The following ARHGAP15 variants were observed in gnomAD, a reference collection of about 807,000 sequenced individuals.
ARHGAP15 encodes the protein Rho GTPase activating protein 15.
In ARHGAP15, 51 loss-of-function variants were observed where a neutral mutation model predicts 63.7. The observed-to-expected ratio is 0.80, with a 90% CI of 0.64 to 1.01. ARHGAP15 has a LOEUF of 1.01. Ranked by LOEUF, ARHGAP15 falls within the 50% of genes least tolerant of loss-of-function variation. ARHGAP15 has a pLI of 0.00. For missense variants in ARHGAP15, 560 were observed against 564.6 expected, an observed-to-expected ratio of 0.99 and a Z score of 0.08; for synonymous variants, 191 against 193.8, an observed-to-expected ratio of 0.99 and a Z score of 0.12.
intron 2 of ARHGAP15, among the ~76,000 whole-genome samples, chr2:143,161,290 G>T (rs1038994898): frequency 2.0e-5 from 3 of 152,018 alleles, no homozygotes; most frequent in Non-Finnish European, 2.9e-5. Context: ...AGAGTAATTA[G>T]CTAGAATGCT....
At position 143,690,753 on chromosome 2, in the gene ARHGAP15, C is replaced by T. The variant is rs190486047; in HGVS notation, c.1139-12666C>T. Among the ~76,000 whole-genome samples the T allele has an allele frequency of 1.3e-3, 193 of 152,098 alleles. 1 individual carries two copies. The highest frequency in any genetic ancestry group is 4.5e-3 in the African/African-American group (187 of 41,464). On this transcript the variant is annotated intron_variant, in intron 12 of 13. Transcript: ENST00000295095. ...CTTGACTTGCTGGTAAGGAGGTGTG[C>T]GAATGGTCTCAAGTTATACATTTGC...
At chr2:143,203,032 A>G (rs532718414) in intron 3 of ARHGAP15, among the ~76,000 whole-genome samples, 2 of 152,196 alleles carry the variant, frequency 1.3e-5, no homozygotes, top group African/African-American at 4.8e-5. Flanking sequence ...ATGCTCATTC[A>G]ACTTGTCTTT....
intron 8 of ARHGAP15, among the ~76,000 whole-genome samples, chr2:143,440,334 T>G (rs1402392188): frequency 6.6e-6 from 1 of 152,188 alleles, no homozygotes; most frequent in Non-Finnish European, 1.5e-5. Flanking sequence ...AAAACTTGCA[T>G]TCGCTTTTAT....
At chr2:143,454,411 A>C (rs1690552129) in intron 8 of ARHGAP15, among the ~76,000 whole-genome samples, 1 of 152,090 alleles carries the variant, frequency 6.6e-6, no homozygotes, top group South Asian at 2.1e-4. Context: ...TTTGGCTGGG[A>C]ATACAGTCTT....
chr2:143,633,048 A>G (rs977839481), intron 12 of ARHGAP15, among the ~76,000 whole-genome samples: 2 of 152,204 alleles, frequency 1.3e-5, no homozygotes, highest in African/African-American at 4.8e-5. Flanking sequence ...AATGCAGTAT[A>G]AAAATATCCT....
At chr2:143,607,082 A>G (rs954151395) in intron 11 of ARHGAP15, 2 of 152,174 alleles carry the variant, frequency 1.3e-5, no homozygotes, top group African/African-American at 4.8e-5. Context: ...AGTTGTTTTT[A>G]GTTTTAAGTT....
intron 9 of ARHGAP15, among the ~76,000 whole-genome samples, chr2:143,493,982 TTCTC>T (rs1245284335): frequency 6.6e-6 from 1 of 152,158 alleles, no homozygotes; most frequent in African/African-American, 2.4e-5. Flanking sequence ...TACTTTGAAT[TTCTC>T]TCTCTCAGAA....
chr2:143,132,605 G>A (rs1373207668), intron 1 of ARHGAP15, among the ~76,000 whole-genome samples: 1 of 152,216 alleles, frequency 6.6e-6, no homozygotes, highest in Admixed American at 6.5e-5. Context: ...GACAGCATGC[G>A]TGACCATGCC....
intron 6 of ARHGAP15, among the ~76,000 whole-genome samples, chr2:143,395,562 T>A (rs1371104477): frequency 6.6e-6 from 1 of 152,100 alleles, no homozygotes; most frequent in African/African-American, 2.4e-5. Context: ...AGGAACATAA[T>A]TAGTGTTAAA....
intron 12 of ARHGAP15, among the ~76,000 whole-genome samples, chr2:143,681,903 G>C (rs1253843912): frequency 6.6e-6 from 1 of 152,176 alleles, no homozygotes; most frequent in Non-Finnish European, 1.5e-5. Flanking sequence ...GCAGCTACAG[G>C]ACCACCATTT....
At chr2:143,494,819 A>C (rs890471269) in intron 9 of ARHGAP15, among the ~76,000 whole-genome samples, 1 of 152,194 alleles carries the variant, frequency 6.6e-6, no homozygotes, top group African/African-American at 2.4e-5. Context: ...CCATACCTCA[A>C]ATATCATATA....
chr2:143,257,589 G>A (rs192484355), intron 6 of ARHGAP15, among the ~76,000 whole-genome samples: 3 of 152,144 alleles, frequency 2.0e-5, no homozygotes, highest in East Asian at 1.9e-4. Context: ...TTCATTTACC[G>A]ACATCATATT....
chr2:143,409,354 A>G (rs1040758563), intron 6 of ARHGAP15, among the ~76,000 whole-genome samples: 2 of 151,964 alleles, frequency 1.3e-5, no homozygotes, highest in African/African-American at 4.8e-5. Flanking sequence ...AACCAAATAG[A>G]ATCTTATTAA....
At chr2:143,715,275 G>C (rs142200667) in intron 13 of ARHGAP15, among the ~76,000 whole-genome samples, 164 of 152,290 alleles carry the variant, frequency 1.1e-3, no homozygotes, top group African/African-American at 3.8e-3. Context: ...GCATGGGAAA[G>C]ACCAGCCCCT....
intron 6 of ARHGAP15, among the ~76,000 whole-genome samples, chr2:143,395,009 C>G (rs965022395): frequency 6.6e-6 from 1 of 152,120 alleles, no homozygotes; most frequent in African/African-American, 2.4e-5. Context: ...TATGCTTAGT[C>G]TGAAAGACAC....
At chr2:143,388,168 T>C (rs910486499) in intron 6 of ARHGAP15, among the ~76,000 whole-genome samples, 1 of 152,214 alleles carries the variant, frequency 6.6e-6, no homozygotes, top group African/African-American at 2.4e-5. Flanking sequence ...ATTATTCACG[T>C]TATTTGTAAT....
intron 13 of ARHGAP15, among the ~76,000 whole-genome samples, chr2:143,707,871 A>C (rs1236351395): frequency 6.6e-6 from 1 of 152,238 alleles, no homozygotes; most frequent in Non-Finnish European, 1.5e-5. Flanking sequence ...GCATATTCAA[A>C]GAGAGCATAA....
rs1001961981 is a variant in ARHGAP15, at chr2:143,262,349, AAAAAAT to A, written c.474+11761_474+11766del. 6.0e-4 allele frequency among the ~76,000 whole-genome samples: 91 copies of A among 152,222 alleles called. 1 individual carries two copies. Among genetic ancestry groups the A allele is most frequent in the African/African-American group, 2.1e-3 (88 of 41,536 alleles). On this transcript the variant is annotated intron_variant, in intron 6 of 13. Coordinates refer to ENST00000295095, the MANE Select transcript of ARHGAP15 (RefSeq NM_018460.4). ...AGAGCTAATAAAAATGTTTTTGTTT[AAAAAAT>A]AAAAATAAAAAAGCTCCACTCCTCC...
At chr2:143,499,273 T>C (rs1480056516) in intron 9 of ARHGAP15, among the ~76,000 whole-genome samples, 1 of 152,188 alleles carries the variant, frequency 6.6e-6, no homozygotes, top group African/African-American at 2.4e-5. Flanking sequence ...AGAGCTTAAC[T>C]TGTTAGTTCT....
Sources: gnomAD v4.1 joint callset for allele counts (sites outside exome capture counted in the v4.1 genomes callset) on GRCh38, gnomAD v4.1.1 for gene constraint, MANE v1.5 for transcripts, NCBI Gene and HGNC (gene_info 2026-07-23, HGNC 2026-07-21) for gene names.